Variants in SLC23A2 observed in about 807,000 individuals in gnomAD.
The protein encoded by SLC23A2 is Na(+)/L-ascorbic acid transporter 2.
Under a neutral mutation model 73.3 loss-of-function variants are expected in SLC23A2, and 36 were observed. The ratio of observed to expected loss-of-function variants is 0.49; its 90% CI spans 0.38 to 0.65. The LOEUF is 0.65. Among genes scored for constraint, SLC23A2 ranks in the 30% least tolerant of loss-of-function variants. SLC23A2 has a pLI of 0.00. For missense variants in SLC23A2, 507 were observed against 841.6 expected (o/e 0.60, Z 4.92); for synonymous variants, 343 against 327.3 (o/e 1.05, Z -0.52).
intron 2 of SLC23A2, among the ~76,000 whole-genome samples, chr20:4,948,403 AG>A (rs2031010613): frequency 6.6e-6 from 1 of 152,178 alleles, no homozygotes; most frequent in Admixed American, 6.5e-5. Flanking sequence ...TCTCTTGTGC[AG>A]TACTGTTTCT....
chr20:4,944,581 A>G (rs1254426892), intron 2 of SLC23A2, among the ~76,000 whole-genome samples: 2 of 152,190 alleles, frequency 1.3e-5, no homozygotes, highest in African/African-American at 2.4e-5. Flanking sequence ...CTCATGCTAG[A>G]GGTCCTCAGA....
In SLC23A2 at chr20:4,861,979, T is replaced by C. The variant is rs758945937; in HGVS notation, c.1593A>G (p.Pro531=). 1.9e-6 allele frequency: 3 copies of C among 1,614,146 alleles called. No individual in the cohort carries two copies. Among genetic ancestry groups the C allele is most frequent in the Admixed American group, 1.7e-5 (1 of 60,018 alleles). ...CCAGAGGGTTCTGTCTGAGGTAACT[T>C]GGAAGGACGAGCCCAAAGAAGATCG... ...GFSIFFGLVL[P]SYLRQNPLVT... is the part of the protein sequence containing the mutation. Residue 531 remains proline (P), a synonymous_variant, in exon 15 of 17, where the codon CCA becomes CCG. Coordinates refer to ENST00000338244, the MANE Select transcript of SLC23A2 (RefSeq NM_005116.6).
rs1930010284 is a variant in SLC23A2 at position 4,862,544 on chromosome 20, G to A, written c.1486+234C>T. Among the ~76,000 whole-genome samples, 1 of 152,124 alleles carries A rather than the reference G, an allele frequency of 6.6e-6. No homozygotes were observed. The highest frequency in any genetic ancestry group is 1.5e-5 in the Non-Finnish European group (1 of 68,024). ...TTAAATTGGTCAGAAATACTAAAGAGATTAAATTTAATTGAAATGTTCATA... is the reference window on the plus strand; with the variant it reads ...TTAAATTGGTCAGAAATACTAAAGAAATTAAATTTAATTGAAATGTTCATA... On this transcript the variant is annotated intron_variant, in intron 14 of 16. Transcript: ENST00000338244. The surrounding 1 kb of genome is among the most constrained non-coding windows in gnomAD (Gnocchi z 5.1).
intron 15 of SLC23A2, 58 bp downstream of exon 15, chr20:4,861,890 G>A: frequency 6.3e-7 from 1 of 1,588,644 alleles, no homozygotes; most frequent in Non-Finnish European, 8.6e-7. Flanking sequence ...AGAGCTGCGT[G>A]TGGACTGGCG....
chr20:4,961,237 A>G (rs553019634), intron 2 of SLC23A2, among the ~76,000 whole-genome samples: 92 of 151,184 alleles, frequency 6.1e-4, no homozygotes, highest in African/African-American at 1.9e-3. Context: ...ACGTGTCACC[A>G]TGCCCAGCTA....
At chr20:4,927,270 A>T (rs929746774) in intron 3 of SLC23A2, among the ~76,000 whole-genome samples, 2 of 152,086 alleles carry the variant, frequency 1.3e-5, no homozygotes, top group African/African-American at 2.4e-5. Context: ...AAAAGATAAA[A>T]CCCAGAGCTG....
At chr20:4,971,423 G>A (rs2087559099) in intron 1 of SLC23A2, among the ~76,000 whole-genome samples, 1 of 151,792 alleles carries the variant, frequency 6.6e-6, no homozygotes, top group Non-Finnish European at 1.5e-5. Flanking sequence ...GGAGGTTGAG[G>A]TTGCAGTGAG....
intron 9 of SLC23A2, among the ~76,000 whole-genome samples, chr20:4,880,866 C>T (rs1049656880): frequency 1.3e-5 from 2 of 152,050 alleles, no homozygotes; most frequent in African/African-American, 2.4e-5. Flanking sequence ...AGAATTCTAG[C>T]TTGTGTCTAA....
At chr20:4,980,877 T>A (rs1396824820) in intron 1 of SLC23A2, among the ~76,000 whole-genome samples, 3 of 152,082 alleles carry the variant, frequency 2.0e-5, no homozygotes, top group Admixed American at 6.6e-5. Flanking sequence ...ATTCAATGAG[T>A]AAAATAAGCT....
chr20:4,998,868 G>C lies in SLC23A2; in HGVS notation c.-282+2538C>G, dbSNP rs1021618797. Among the ~76,000 whole-genome samples, 2 of 146,558 alleles carry C rather than the reference G, an allele frequency of 1.4e-5. No homozygotes were observed. The highest frequency in any genetic ancestry group is 5.0e-5 in the African/African-American group (2 of 39,664). Reference sequence around the variant, plus strand: ...CACCCAGGCTGGAGTGCAGTGGCACGATCTCGACTCACTGCAAACTCCACC... The same window carrying C: ...CACCCAGGCTGGAGTGCAGTGGCACCATCTCGACTCACTGCAAACTCCACC... On this transcript the variant is annotated intron_variant, in intron 1 of 16. Coordinates refer to ENST00000338244, the MANE Select transcript of SLC23A2 (RefSeq NM_005116.6). The surrounding 1 kb of genome is among the most constrained non-coding windows in gnomAD (Gnocchi z 4.1).
intron 9 of SLC23A2, among the ~76,000 whole-genome samples, chr20:4,876,734 G>A (rs1037485173): frequency 6.6e-6 from 1 of 152,174 alleles, no homozygotes; most frequent in African/African-American, 2.4e-5. Flanking sequence ...ATAAAACCCT[G>A]AAGATCATCC....
rs1929759209 is a variant in SLC23A2, at chr20:4,857,305, C to T, written c.1721-101G>A. The stretch of plus-strand genomic sequence containing the variant: ...ACATACACACACACACACACACACA[C>T]ACACACACACACACACACACACACA... On this transcript the variant is annotated intron_variant, in intron 16 of 16. Transcript: ENST00000338244. The surrounding 1 kb of genome is among the most constrained non-coding windows in gnomAD (Gnocchi z 4.0). The T allele has an allele frequency of 1.7e-6, 1 of 577,990 alleles. No individual in the cohort carries two copies. Among genetic ancestry groups the T allele is most frequent in the Non-Finnish European group, 3.1e-6 (1 of 326,220 alleles). 35.8% of individuals were successfully genotyped at this position (577,990 alleles called of 1,614,324 possible).
intron 2 of SLC23A2, among the ~76,000 whole-genome samples, chr20:4,967,606 T>C (rs1347824238): frequency 3.9e-5 from 6 of 152,170 alleles, no homozygotes; most frequent in Non-Finnish European, 7.4e-5. Context: ...TTATACGACA[T>C]GTTTGGTAAT....
intron 6 of SLC23A2, among the ~76,000 whole-genome samples, chr20:4,888,965 G>T (rs1931210557): frequency 6.6e-6 from 1 of 152,204 alleles, no homozygotes; most frequent in Non-Finnish European, 1.5e-5. Flanking sequence ...AGAGGTGGCT[G>T]AGACTGACAA....
intron 7 of SLC23A2, 138 bp downstream of exon 7, chr20:4,885,683 C>T (rs1278938844): frequency 5.9e-6 from 4 of 681,196 alleles, no homozygotes; most frequent in Non-Finnish European, 1.1e-5. Context: ...ATGGAGCATT[C>T]TAAGCTGTTT....
At position 4,856,930 on chromosome 20, in the gene SLC23A2, A is replaced by G; in HGVS notation, c.*42T>C. ...CTTGTTACTCAGCAAGGAACTACAG[A>G]TACATGCCTCACTGCGGCCAGGCCA... On this transcript the variant is annotated 3_prime_UTR_variant, in exon 17 of 17. Transcript: ENST00000338244. This position sits in a 1 kb window ranked among gnomAD's most constrained non-coding sequence, Gnocchi z 4.6. The G allele has an allele frequency of 4.0e-6, 5 of 1,264,548 alleles. No individual in the cohort carries two copies. The highest frequency in any genetic ancestry group is 5.8e-6 in the Non-Finnish European group (5 of 869,062). The allele number at this position is 1,264,548 out of a possible 1,614,324, so 78.3% of individuals were successfully genotyped here.
chr20:4,955,020 AG>A (rs1427341906), intron 2 of SLC23A2, among the ~76,000 whole-genome samples: 1 of 152,068 alleles, frequency 6.6e-6, no homozygotes, highest in Non-Finnish European at 1.5e-5. Context: ...GGAGGCCAGA[AG>A]GATCACTTCA....
chr20:4,866,427 C>T (rs1930202496), intron 13 of SLC23A2, among the ~76,000 whole-genome samples: 1 of 152,242 alleles, frequency 6.6e-6, no homozygotes, highest in Admixed American at 6.5e-5. Context: ...AGTGGCATGG[C>T]TTAGGCCCCA....
At position 4,915,765 on chromosome 20, in the gene SLC23A2, T is replaced by C. The variant is rs536731816; in HGVS notation, c.109-2787A>G. Reference sequence around the variant, plus strand: ...GAGTTCGAGACCAGCCTGGCCAACATGGCAAAACCCCATCTCTACTAAAAA... The same window carrying C: ...GAGTTCGAGACCAGCCTGGCCAACACGGCAAAACCCCATCTCTACTAAAAA... On this transcript the variant is annotated intron_variant, in intron 3 of 16. Coordinates refer to ENST00000338244, the MANE Select transcript of SLC23A2 (RefSeq NM_005116.6). Among the ~76,000 whole-genome samples, 40 of 152,072 alleles carry C rather than the reference T, an allele frequency of 2.6e-4. 1 individual carries two copies. In the South Asian group the frequency reaches 8.1e-3, roughly 31 times the overall value.
Sources: allele counts gnomAD v4.1 joint callset (sites outside exome capture counted in the v4.1 genomes callset), GRCh38; gene constraint gnomAD v4.1.1; non-coding constraint Gnocchi (gnomAD v3.1); transcripts MANE v1.5; gene names NCBI Gene and HGNC (gene_info 2026-07-23, HGNC 2026-07-21).